MYO1H: variants seen among roughly 807,000 people sequenced by gnomAD.
MYO1H encodes the protein unconventional myosin-Ih.
Under a neutral mutation model 149.3 loss-of-function variants are expected in MYO1H, and 118 were observed. The ratio of observed to expected loss-of-function variants is 0.79; its 90% CI spans 0.68 to 0.92. The LOEUF (loss-of-function observed/expected upper bound fraction) is 0.92. MYO1H is among the 40% of genes least tolerant of loss of function. The pLI is 0.00. For synonymous variants in MYO1H, 447 were observed against 465.2 expected (o/e 0.96, Z 0.50); for missense variants, 1,212 against 1,280.7 (o/e 0.95, Z 0.82).
chr12:109,447,815 A>AT (rs1439996601), exon 32 of MYO1H: 4 of 152,744 alleles, frequency 2.6e-5, no homozygotes, highest in African/African-American at 9.6e-5. Context: ...AGCTGCTGGG[A>AT]TTGGGCTCTG....
At chr12:109,426,185 C>G in intron 18 of MYO1H, 134 bp downstream of exon 18, 1 of 691,058 alleles carries the variant, frequency 1.4e-6, no homozygotes, top group South Asian at 1.7e-5. Flanking sequence ...ATTTTCCTTT[C>G]TAAATGATAG....
In MYO1H at chr12:109,439,584, C is replaced by T. The variant is rs368891154; in HGVS notation, c.2295-47C>T. On this transcript the variant is annotated intron_variant, in intron 23 of 31. Transcript: ENST00000310903. ...AGAAGGGGGAAGAGAATGTAAATCT[C>T]GGTGAAGAAATGGTCCAGAAAAGTA... 600 of 1,551,244 alleles carry T rather than the reference C, an allele frequency of 3.9e-4. 3 individuals are homozygous for T. Among genetic ancestry groups the T allele is most frequent in the Middle Eastern group, 3.4e-4 (2 of 5,920 alleles).
chr12:109,338,275 A>G, the MYO1H span, among the ~76,000 whole-genome samples: 1 of 152,164 alleles, frequency 6.6e-6, no homozygotes, highest in Non-Finnish European at 1.5e-5. Flanking sequence ...CAGACGAGAC[A>G]CTTTCAAGCA....
intron 14 of MYO1H, among the ~76,000 whole-genome samples, chr12:109,413,685 G>A (rs1356900693): frequency 2.0e-5 from 3 of 152,110 alleles, no homozygotes; most frequent in Admixed American, 1.3e-4. Context: ...CGAGGCAGCT[G>A]GATCACCTGA....
the MYO1H span, among the ~76,000 whole-genome samples, chr12:109,323,071 C>T: frequency 6.6e-6 from 1 of 152,142 alleles, no homozygotes; most frequent in Non-Finnish European, 1.5e-5. Context: ...CACGCCACTG[C>T]ACTCCAACCT....
the MYO1H span, among the ~76,000 whole-genome samples, chr12:109,319,062 C>T: frequency 7.1e-6 from 1 of 141,088 alleles, no homozygotes; most frequent in Non-Finnish European, 1.5e-5. Context: ...AATGATACAT[C>T]CATGTTCTAA....
At chr12:109,443,355 T>TACACACACAC (rs10545297) in intron 27 of MYO1H, among the ~76,000 whole-genome samples, 159 bp from the exon 28 acceptor site, 5 of 74,778 alleles carry the variant, frequency 6.7e-5, no homozygotes, top group East Asian at 4.2e-4. Context: ...TGTGTGTATA[T>TACACACACAC]ACACACACAC....
At chr12:109,310,815 T>C in the MYO1H span, among the ~76,000 whole-genome samples, 1 of 152,172 alleles carries the variant, frequency 6.6e-6, no homozygotes, top group Non-Finnish European at 1.5e-5. Flanking sequence ...TTTCATTCTC[T>C]AGGGAGGAAA....
chr12:109,320,063 C>T, the MYO1H span, among the ~76,000 whole-genome samples: 181 of 152,206 alleles, frequency 1.2e-3, no homozygotes, highest in Middle Eastern at 0.01. Flanking sequence ...CCTGTAATCC[C>T]AGTGCTTTAG....
intron 10 of MYO1H, 161 bp downstream of exon 10, chr12:109,408,074 T>C: frequency 1.2e-6 from 1 of 852,424 alleles, no homozygotes; most frequent in Non-Finnish European, 1.8e-6. Context: ...GCATACAGTA[T>C]GGGTGCATGC....
At position 109,422,742 on chromosome 12, in the gene MYO1H, A is replaced by G. The variant is rs114386391; in HGVS notation, c.1644+1715A>G. On this transcript the variant is annotated intron_variant, in intron 16 of 31. Transcript: ENST00000310903. ...TCTTCCATATCACTGTAGGTTTAGA[A>G]CTGCAATGGATTAAACAACAACAAA... Among the ~76,000 whole-genome samples the G allele has an allele frequency of 6.7e-3, 1,024 of 152,222 alleles. 5 individuals are homozygous for G. Among genetic ancestry groups the G allele is most frequent in the African/African-American group, 0.023 (952 of 41,520 alleles).
the MYO1H span, among the ~76,000 whole-genome samples, chr12:109,312,687 C>A: frequency 6.6e-6 from 1 of 152,012 alleles, no homozygotes; most frequent in African/African-American, 2.4e-5. Context: ...ATGATCAGGT[C>A]TCTTTCTTTG....
rs1479973628 is a variant in MYO1H at position 109,436,479 on chromosome 12, T to A, written c.2141-9T>A. ...AGCCATTTCACCAAAACGTCTGTTT[T>A]ATTTTAAGTTGCAAGAATCCAAGCC... On this transcript the variant is annotated splice_polypyrimidine_tract_variant and intron_variant, in intron 21 of 31. Coordinates refer to ENST00000310903, the Ensembl canonical transcript of MYO1H. 6.2e-7 allele frequency: 1 copy of A among 1,606,036 alleles called. No homozygotes were observed. The highest frequency in any genetic ancestry group is 2.2e-5 in the East Asian group (1 of 44,754).
intron 19 of MYO1H, among the ~76,000 whole-genome samples, chr12:109,429,035 C>A (rs1041317906): frequency 1.3e-5 from 2 of 152,186 alleles, no homozygotes; most frequent in Non-Finnish European, 2.9e-5. Context: ...ATGGTGAAAT[C>A]CTGTCTGCTA....
At chr12:109,391,844 T>C (rs980038432) in intron 2 of MYO1H, among the ~76,000 whole-genome samples, 1 of 152,242 alleles carries the variant, frequency 6.6e-6, no homozygotes, top group African/African-American at 2.4e-5. Flanking sequence ...ATATGATTGT[T>C]GGCTGCATGT....
chr12:109,369,233 A>C (rs1481407491), intron 1 of MYO1H, among the ~76,000 whole-genome samples: 1 of 152,076 alleles, frequency 6.6e-6, no homozygotes, highest in Non-Finnish European at 1.5e-5. Context: ...GGTGATCCAA[A>C]TGAGCCACGA....
the MYO1H span, among the ~76,000 whole-genome samples, chr12:109,328,036 G>C: frequency 6.6e-6 from 1 of 151,446 alleles, no homozygotes; most frequent in South Asian, 2.1e-4. Context: ...GATGGTGATA[G>C]CTAAAAAGTC....
At chr12:109,380,933 G>A (rs906355448) in intron 1 of MYO1H, among the ~76,000 whole-genome samples, 12 of 152,020 alleles carry the variant, frequency 7.9e-5, no homozygotes, top group African/African-American at 1.4e-4. Context: ...GCAACAGAGC[G>A]AGACTCTGTC....
intron 1 of MYO1H, among the ~76,000 whole-genome samples, chr12:109,372,327 CT>C (rs1869000440): frequency 6.6e-6 from 1 of 152,004 alleles, no homozygotes; most frequent in Non-Finnish European, 1.5e-5. Flanking sequence ...GATGTCCAGC[CT>C]TCCTTTTATA....
Sources: allele counts gnomAD v4.1 joint callset (sites outside exome capture counted in the v4.1 genomes callset), GRCh38; gene constraint gnomAD v4.1.1; transcripts MANE v1.5; gene names NCBI Gene and HGNC (gene_info 2026-07-23, HGNC 2026-07-21).